Variants in FOXP2 observed in about 807,000 individuals in gnomAD.
FOXP2 encodes forkhead box P2.
FOXP2 carries 12 observed loss-of-function variants against 115.8 expected under a neutral mutation model. The observed-to-expected ratio is 0.10, with a 90% confidence interval of 0.07 to 0.17. The LOEUF (loss-of-function observed/expected upper bound fraction) is 0.17, where lower values mean the gene tolerates loss of function less well. FOXP2 is among the 10% of genes least tolerant of loss of function. The pLI, the probability that FOXP2 is intolerant of heterozygous loss-of-function variation, is 1.00. For missense variants in FOXP2, 629 were observed against 843.5 expected (o/e 0.75, Z 3.15); for synonymous variants, 328 against 297.7 (o/e 1.10, Z -1.05).
At position 114,407,682 on chromosome 7, in the gene FOXP2, A is replaced by G. The variant is rs574480090; in HGVS notation, c.-10-18820A>G. Among the ~76,000 whole-genome samples, 4 of 152,294 alleles carry G rather than the reference A, an allele frequency of 2.6e-5. No individual in the cohort carries two copies. The East Asian group carries it at 7.7e-4, about 29-fold the overall frequency. Reference sequence around the variant, plus strand: ...TGAGCAAACAGTGCTTTTCTAAAGCATATATTCTTATCTATTTTATTTCTA... The same window carrying G: ...TGAGCAAACAGTGCTTTTCTAAAGCGTATATTCTTATCTATTTTATTTCTA... On this transcript the variant is annotated intron_variant, in intron 2 of 17. Coordinates refer to the FOXP2 transcript ENST00000634411.
At chr7:114,422,575 T>C (rs2129203300) in intron 1 of FOXP2, among the ~76,000 whole-genome samples, 1 of 151,604 alleles carries the variant, frequency 6.6e-6, no homozygotes, top group African/African-American at 2.4e-5. Flanking sequence ...CACATGGGAA[T>C]GTGGAGTGGA....
chr7:114,542,391 A>G (rs777136392), intron 3 of FOXP2, among the ~76,000 whole-genome samples: 9 of 152,152 alleles, frequency 5.9e-5, no homozygotes, highest in Non-Finnish European at 1.0e-4. Flanking sequence ...GTCTTACACC[A>G]AGAATAGTTT....
intron 1 of FOXP2, among the ~76,000 whole-genome samples, chr7:114,274,701 ACCT>A (rs1261840898): frequency 7.7e-6 from 1 of 129,636 alleles, no homozygotes; most frequent in Admixed American, 9.6e-5. Context: ...GGCAGCCTTG[ACCT>A]CCCTGGGCTC....
At chr7:114,315,490 G>A (rs1797253866) in intron 2 of FOXP2, among the ~76,000 whole-genome samples, 1 of 152,048 alleles carries the variant, frequency 6.6e-6, no homozygotes, top group Non-Finnish European at 1.5e-5. Context: ...TGACCATACT[G>A]TTGCATGAAG....
At position 114,595,585 on chromosome 7, in the gene FOXP2, A is replaced by G. The variant is rs190181950; in HGVS notation, c.259-32955A>G. Among the ~76,000 whole-genome samples, 3 of 152,190 alleles carry G rather than the reference A, an allele frequency of 2.0e-5. No homozygotes were observed. The East Asian group carries it at 5.8e-4, about 29-fold the overall frequency. On this transcript the variant is annotated intron_variant, in intron 3 of 16. Coordinates refer to ENST00000350908, the MANE Select transcript of FOXP2 (RefSeq NM_014491.4). The stretch of plus-strand genomic sequence containing the variant: ...AGTATAGATACTAATTTTGGTATAT[A>G]ATAGAGGTAAGTTGTTTGTAAGGAT...
chr7:114,121,738 G>T (rs1463771513), intron 1 of FOXP2, among the ~76,000 whole-genome samples: 3 of 152,226 alleles, frequency 2.0e-5, no homozygotes, highest in South Asian at 2.1e-4. Context: ...GAGTTGTTTA[G>T]TTAAGGAGAT....
At chr7:114,580,914 A>AT (rs1209643862) in intron 3 of FOXP2, among the ~76,000 whole-genome samples, 7 of 152,040 alleles carry the variant, frequency 4.6e-5, no homozygotes, top group Non-Finnish European at 1.0e-4. Context: ...GAGTCCCATA[A>AT]TTTTTAAGGA....
chr7:114,277,623 C>A (rs868082932), intron 1 of FOXP2, among the ~76,000 whole-genome samples: 3 of 152,052 alleles, frequency 2.0e-5, no homozygotes, highest in Middle Eastern at 3.4e-3. Flanking sequence ...ACAATATAGT[C>A]ATAATTTCAA....
At chr7:114,159,624 T>C (rs1290229305), upstream of FOXP2, among the ~76,000 whole-genome samples, 1 of 152,132 alleles carries the variant, frequency 6.6e-6, no homozygotes, top group Middle Eastern at 3.2e-3. Context: ...GGGAAAGGGA[T>C]AGCTATTAAT....
At chr7:114,291,862 TATAATATATAG>T (rs1796600828) in intron 2 of FOXP2, among the ~76,000 whole-genome samples, 1 of 141,500 alleles carries the variant, frequency 7.1e-6, no homozygotes, top group African/African-American at 2.6e-5. Flanking sequence ...ACATTTTATA[TATAATATATAG>T]ATAATATATA....
At chr7:114,503,874 T>A (rs926952756) in intron 2 of FOXP2, among the ~76,000 whole-genome samples, 1 of 151,264 alleles carries the variant, frequency 6.6e-6, no homozygotes, top group Admixed American at 6.6e-5. Flanking sequence ...TAGTTAAAAT[T>A]ATATCAAAAT....
intron 2 of FOXP2, among the ~76,000 whole-genome samples, chr7:114,346,963 G>T (rs1465353277): frequency 6.6e-6 from 1 of 151,750 alleles, no homozygotes; most frequent in Non-Finnish European, 1.5e-5. Flanking sequence ...ATACAACACA[G>T]ATATGTATTG....
intron 2 of FOXP2, among the ~76,000 whole-genome samples, chr7:114,350,644 A>C (rs1328211328): frequency 6.6e-6 from 1 of 152,146 alleles, no homozygotes; most frequent in African/African-American, 2.4e-5. Context: ...TTCAGAGACC[A>C]GTAGCAACTA....
intron 1 of FOXP2, among the ~76,000 whole-genome samples, chr7:114,167,611 G>A (rs551806308): frequency 6.6e-6 from 1 of 152,154 alleles, no homozygotes; most frequent in East Asian, 1.9e-4. Context: ...TCGTGATGGT[G>A]GATACGTCTC....
intron 1 of FOXP2, among the ~76,000 whole-genome samples, chr7:114,115,371 T>A (rs1282221110): frequency 6.6e-6 from 1 of 152,142 alleles, no homozygotes; most frequent in Non-Finnish European, 1.5e-5. Context: ...TTTTATGTTA[T>A]CCCTGTGGTT....
chr7:114,608,795 T>C (rs1803471956), intron 3 of FOXP2, among the ~76,000 whole-genome samples: 2 of 152,206 alleles, frequency 1.3e-5, no homozygotes, highest in South Asian at 2.1e-4. Context: ...AAAGGTGTTT[T>C]ATTACATTAA....
chr7:114,321,854 T>A (rs1291012595), intron 2 of FOXP2, among the ~76,000 whole-genome samples: 1 of 152,144 alleles, frequency 6.6e-6, no homozygotes, highest in Non-Finnish European at 1.5e-5. Flanking sequence ...ATTTACAGTT[T>A]GTATATGAGA....
At chr7:114,340,981 T>A (rs1484744135) in intron 2 of FOXP2, among the ~76,000 whole-genome samples, 1 of 151,226 alleles carries the variant, frequency 6.6e-6, no homozygotes, top group Non-Finnish European at 1.5e-5. Flanking sequence ...CTTAATGTAC[T>A]GTAGTTAAGC....
chr7:114,692,904 G>A lies in FOXP2; in HGVS notation c.*2978G>A, dbSNP rs769087294. Reference sequence around the variant, plus strand: ...ATGTTCATACTTTGAATTCTCTGACGTTAGAAGTCATGGTTGAGAATTGTA... The same window carrying A: ...ATGTTCATACTTTGAATTCTCTGACATTAGAAGTCATGGTTGAGAATTGTA... On this transcript the variant is annotated 3_prime_UTR_variant, in exon 17 of 17. Coordinates refer to ENST00000350908, the MANE Select transcript of FOXP2 (RefSeq NM_014491.4). 1.8e-5 allele frequency: 8 copies of A among 453,768 alleles called. No homozygotes were observed. The highest frequency in any genetic ancestry group is 4.0e-5 in the African/African-American group (2 of 49,934). 28.1% of individuals were successfully genotyped at this position (453,768 alleles called of 1,614,324 possible).
Sources: allele counts gnomAD v4.1 joint callset (sites outside exome capture counted in the v4.1 genomes callset), GRCh38; gene constraint gnomAD v4.1.1; transcripts MANE v1.5; gene names NCBI Gene and HGNC (gene_info 2026-07-23, HGNC 2026-07-21).